KCTD16: variants seen among roughly 807,000 people sequenced by gnomAD.
The protein encoded by KCTD16 is potassium channel tetramerization domain containing 16.
Under a neutral mutation model 33.2 loss-of-function variants are expected in KCTD16, and 13 were observed. The ratio of observed to expected loss-of-function variants is 0.39; its 90% CI spans 0.25 to 0.62. The LOEUF (loss-of-function observed/expected upper bound fraction) is 0.62, where lower values mean the gene tolerates loss of function less well. Among genes scored for constraint, KCTD16 ranks in the 20% least tolerant of loss-of-function variants. KCTD16 has a pLI of 0.50. For synonymous variants in KCTD16, 197 were observed against 195.3 expected, an observed-to-expected ratio of 1.01 and a Z score of -0.07; for missense variants, 441 against 525.1, an observed-to-expected ratio of 0.84 and a Z score of 1.57.
intron 3 of KCTD16, among the ~76,000 whole-genome samples, chr5:144,371,840 C>T (rs1278423461): frequency 1.3e-5 from 2 of 152,028 alleles, no homozygotes; most frequent in African/African-American, 4.8e-5. Flanking sequence ...AGAGCTGCAA[C>T]TTACTATTAA....
chr5:144,219,433 C>G (rs781603066), intron 3 of KCTD16, among the ~76,000 whole-genome samples: 3 of 148,844 alleles, frequency 2.0e-5, no homozygotes, highest in Non-Finnish European at 3.0e-5. Context: ...AGGCTGGTCT[C>G]AAACTCCTGA....
intron 3 of KCTD16, among the ~76,000 whole-genome samples, chr5:144,247,270 T>G (rs950907237): frequency 6.6e-6 from 1 of 152,194 alleles, no homozygotes; most frequent in Non-Finnish European, 1.5e-5. Flanking sequence ...ACATTGAAGC[T>G]TCTGCTTTGT....
chr5:144,327,684 A>C (rs1752248122), intron 3 of KCTD16, among the ~76,000 whole-genome samples: 1 of 152,198 alleles, frequency 6.6e-6, no homozygotes, highest in Admixed American at 6.6e-5. Flanking sequence ...GACCCACAAA[A>C]AATCATATTT....
chr5:144,373,572 A>G (rs890357774), intron 3 of KCTD16, among the ~76,000 whole-genome samples: 3 of 152,176 alleles, frequency 2.0e-5, no homozygotes, highest in Admixed American at 2.0e-4. Flanking sequence ...GCCACTTGTG[A>G]TGCACACCTA....
chr5:144,199,039 T>A (rs879517649), intron 2 of KCTD16, among the ~76,000 whole-genome samples: 2 of 152,176 alleles, frequency 1.3e-5, no homozygotes, highest in Non-Finnish European at 2.9e-5. Flanking sequence ...CAAATTCCAT[T>A]TACACATATA....
chr5:144,345,172 A>G (rs1752759883), intron 3 of KCTD16, among the ~76,000 whole-genome samples: 2 of 129,424 alleles, frequency 1.5e-5, no homozygotes, highest in East Asian at 2.6e-4. Context: ...ACATGGACAC[A>G]GGAAGGGGAA....
chr5:144,272,598 T>G lies in KCTD16; in HGVS notation c.832+65052T>G, dbSNP rs190010985. 2.0e-3 allele frequency among the ~76,000 whole-genome samples: 309 copies of G among 152,270 alleles called. 1 individual carries two copies. The highest frequency in any genetic ancestry group is 3.7e-3 in the Admixed American group (57 of 15,280). On this transcript the variant is annotated intron_variant, in intron 3 of 3. Coordinates refer to ENST00000512467, the MANE Select transcript of KCTD16 (RefSeq NM_020768.4). ...CAAAGCTACAGTAATCAAAACAGTG[T>G]GGCACTGACATAAAGACAAACATAT...
At chr5:144,224,689 C>T (rs866808891) in intron 3 of KCTD16, among the ~76,000 whole-genome samples, 2 of 152,056 alleles carry the variant, frequency 1.3e-5, no homozygotes, top group Admixed American at 6.6e-5. Context: ...CAAATAATTG[C>T]GGTCTTAACT....
chr5:144,252,800 C>T lies in KCTD16; in HGVS notation c.832+45254C>T, dbSNP rs143745172. On this transcript the variant is annotated intron_variant, in intron 3 of 3. Transcript: ENST00000512467. The stretch of plus-strand genomic sequence containing the variant: ...GACGCTGGTGTCAGGAAAGTTTCAT[C>T]TCTCTCTAATTATCTTTAACTCAGT... Among the ~76,000 whole-genome samples the T allele has an allele frequency of 5.6e-3, 856 of 151,812 alleles. 8 individuals carry two copies. Among genetic ancestry groups the T allele is most frequent in the African/African-American group, 0.02 (811 of 41,394 alleles).
At chr5:144,448,235 G>A (rs1753864412) in intron 3 of KCTD16, among the ~76,000 whole-genome samples, 1 of 152,074 alleles carries the variant, frequency 6.6e-6, no homozygotes, top group Non-Finnish European at 1.5e-5. Flanking sequence ...TTATATGAAG[G>A]TAGAAGATCT....
At chr5:144,204,999 G>A (rs1287601661) in intron 2 of KCTD16, among the ~76,000 whole-genome samples, 2 of 151,978 alleles carry the variant, frequency 1.3e-5, no homozygotes, top group Non-Finnish European at 2.9e-5. Flanking sequence ...AACGAGGAGG[G>A]GGGAGGGGGG....
At chr5:144,319,585 C>G (rs529920112) in intron 3 of KCTD16, among the ~76,000 whole-genome samples, 9 of 152,290 alleles carry the variant, frequency 5.9e-5, no homozygotes, top group African/African-American at 1.7e-4. Context: ...AGTATTTGCA[C>G]AAGCCTAATT....
At chr5:144,220,534 A>G (rs891522526) in intron 3 of KCTD16, among the ~76,000 whole-genome samples, 1 of 152,028 alleles carries the variant, frequency 6.6e-6, no homozygotes, top group Non-Finnish European at 1.5e-5. Context: ...TCCTCTCACC[A>G]TGAAGGCAGC....
intron 3 of KCTD16, among the ~76,000 whole-genome samples, chr5:144,380,124 T>G (rs1042869104): frequency 1.3e-5 from 2 of 152,110 alleles, no homozygotes; most frequent in Non-Finnish European, 2.9e-5. Flanking sequence ...CTATAAATGA[T>G]AAATAACTTT....
At chr5:144,237,811 T>C (rs1475542851) in intron 3 of KCTD16, among the ~76,000 whole-genome samples, 2 of 152,134 alleles carry the variant, frequency 1.3e-5, no homozygotes, top group East Asian at 3.9e-4. Flanking sequence ...ACAAGGGATC[T>C]GTAAGACCCA....
At chr5:144,466,397 T>C (rs534566434) in intron 3 of KCTD16, among the ~76,000 whole-genome samples, 36 of 152,196 alleles carry the variant, frequency 2.4e-4, no homozygotes, top group South Asian at 8.3e-4. Context: ...CATGTAGTCA[T>C]TTTCAATTAT....
intron 3 of KCTD16, among the ~76,000 whole-genome samples, chr5:144,337,533 G>A (rs963666521): frequency 6.6e-6 from 1 of 151,484 alleles, no homozygotes; most frequent in Non-Finnish European, 1.5e-5. Flanking sequence ...TGATGTAAGT[G>A]TTACATTTAC....
At chr5:144,322,589 C>A (rs1752102222) in intron 3 of KCTD16, among the ~76,000 whole-genome samples, 1 of 152,036 alleles carries the variant, frequency 6.6e-6, no homozygotes, top group African/African-American at 2.4e-5. Flanking sequence ...ATTTAAATCT[C>A]TGAATCTAGC....
At chr5:144,409,522 C>A (rs1242112446) in intron 3 of KCTD16, among the ~76,000 whole-genome samples, 1 of 151,824 alleles carries the variant, frequency 6.6e-6, no homozygotes, top group East Asian at 1.9e-4. Flanking sequence ...CCATCTCTGC[C>A]CTCAAGGCTC....
Sources: gnomAD v4.1 joint callset for allele counts (sites outside exome capture counted in the v4.1 genomes callset) on GRCh38, gnomAD v4.1.1 for gene constraint, MANE v1.5 for transcripts, NCBI Gene and HGNC (gene_info 2026-07-23, HGNC 2026-07-21) for gene names.